SULT1A2: variants seen among roughly 807,000 people sequenced by gnomAD.
SULT1A2 encodes the protein sulfotransferase family 1A member 2.
A neutral mutation model predicts 36.0 loss-of-function variants in SULT1A2; 33 were observed. That is an observed-to-expected ratio of 0.92 (90% CI 0.69 to 1.22). The LOEUF (loss-of-function observed/expected upper bound fraction) is 1.22. Ranked by LOEUF, SULT1A2 falls within the 50% of genes most tolerant of loss-of-function variation. The pLI, the probability that SULT1A2 is intolerant of heterozygous loss-of-function variation, is 0.00. For synonymous variants in SULT1A2, 138 were observed against 144.5 expected (o/e 0.96, Z 0.32); for missense variants, 367 against 383.2 (o/e 0.96, Z 0.35).
At chr16:28,593,905 A>G (rs1400786037) in intron 4 of SULT1A2, among the ~76,000 whole-genome samples, 1 of 151,968 alleles carries the variant, frequency 6.6e-6, no homozygotes, top group African/African-American at 2.4e-5. Flanking sequence ...GTCTACCCGG[A>G]AGAGTCTCAT....
Sources: allele counts gnomAD v4.1 joint callset (sites outside exome capture counted in the v4.1 genomes callset), GRCh38; gene constraint gnomAD v4.1.1; transcripts MANE v1.5; gene names NCBI Gene and HGNC (gene_info 2026-07-23, HGNC 2026-07-21).